The following DIRAS1 variants were observed in gnomAD, a reference collection of about 807,000 sequenced individuals.
The protein encoded by DIRAS1 is DIRAS family GTPase 1, also known as GTP-binding protein Di-Ras1.
In DIRAS1, 3 loss-of-function variants were observed where a neutral mutation model predicts 11.5. The ratio of observed to expected loss-of-function variants is 0.26; its 90% CI spans 0.12 to 0.67. DIRAS1 has a LOEUF of 0.67. Among genes scored for constraint, DIRAS1 ranks in the 30% least tolerant of loss-of-function variants. DIRAS1 has a pLI of 0.80. For synonymous variants in DIRAS1, 128 were observed against 125.8 expected (o/e 1.02, Z -0.12); for missense variants, 212 against 285.3 (o/e 0.74, Z 1.85).
Position 2,717,634 on chromosome 19 carries a change from TGCAGCGTGCACACGCTCTTGTC to T in DIRAS1, c.151_172del (p.Asp51ArgfsTer59). 1 of 1,613,300 alleles carries T rather than the reference TGCAGCGTGCACACGCTCTTGTC, an allele frequency of 6.2e-7. No homozygotes were observed. Among genetic ancestry groups the T allele is most frequent in the African/African-American group, 1.3e-5 (1 of 75,072 alleles). On this transcript the variant is annotated frameshift_variant, in exon 2 of 2. Transcript: ENST00000323469. LOFTEE classifies it high-confidence loss of function. ...GTGGCTGCCGGTGGTGTCTGTGATC[TGCAGCGTGCACACGCTCTTGTC>T]GCAGCTGATCACCTGCCGGTAGGTG...
In DIRAS1 at chr19:2,716,372, GGTACCCCCTCCTGA is replaced by G. The variant is rs1478996621; in HGVS notation, c.*824_*837del. The G allele has an allele frequency of 4.6e-5, 7 of 152,336 alleles. No individual in the cohort carries two copies. Among genetic ancestry groups the G allele is most frequent in the African/African-American group, 1.7e-4 (7 of 41,438 alleles). 9.4% of individuals were successfully genotyped at this position (152,336 alleles called of 1,614,324 possible). ...TGATGTATCTCTGGCCGGGGCCCCGGGTACCCCCTCCTGAGCACCCCAGGTCCCCACCCGCCATG... is the reference window on the plus strand; with the variant it reads ...TGATGTATCTCTGGCCGGGGCCCCGGGCACCCCAGGTCCCCACCCGCCATG... On this transcript the variant is annotated 3_prime_UTR_variant, in exon 2 of 2. Coordinates refer to ENST00000323469, the MANE Select transcript of DIRAS1 (RefSeq NM_145173.4).
rs544500911 is a variant in DIRAS1 at position 2,717,067 on chromosome 19, G to A, written c.*143C>T. On this transcript the variant is annotated 3_prime_UTR_variant, in exon 2 of 2. Transcript: ENST00000323469. ...CCTCGGGGTGGGCAGGGGCAGCGGA[G>A]GGGGGGGCGGTGGCCTCGGTTTCCC... The A allele has an allele frequency of 6.2e-3, 5,024 of 809,390 alleles. 209 individuals are homozygous for A. In the African/African-American group the frequency reaches 0.086, roughly 14 times the overall value. 50.1% of individuals were successfully genotyped at this position (809,390 alleles called of 1,614,324 possible). A position where few individuals can be genotyped will look rare whatever the true frequency, so the allele number is the denominator to read the frequency against.
chr19:2,721,094 C>A (rs1913944893), intron 1 of DIRAS1, among the ~76,000 whole-genome samples: 1 of 137,524 alleles, frequency 7.3e-6, no homozygotes, highest in African/African-American at 2.8e-5. Flanking sequence ...GGGAGGCGGC[C>A]GGGAGCTGTC....
In DIRAS1 at chr19:2,717,834, G is replaced by A. The variant is rs771125387; in HGVS notation, c.-28C>T. On this transcript the variant is annotated 5_prime_UTR_variant, in exon 2 of 2. Coordinates refer to ENST00000323469, the MANE Select transcript of DIRAS1 (RefSeq NM_145173.4). ...TCCCCGCGGCGGGTGGGCGGCCGGG[G>A]CCGGGAGGGCTGGTGCCAGCTGCAA... 1.3e-6 allele frequency: 2 copies of A among 1,561,150 alleles called. No individual in the cohort carries two copies. The highest frequency in any genetic ancestry group is 1.7e-6 in the Non-Finnish European group (2 of 1,157,946).
intron 1 of DIRAS1, among the ~76,000 whole-genome samples, chr19:2,720,587 A>G (rs1223710066): frequency 6.7e-6 from 1 of 150,154 alleles, no homozygotes; most frequent in East Asian, 2.1e-4. Context: ...CCACCCCCAG[A>G]CGTCCAGGCA....
At position 2,717,242 on chromosome 19, in the gene DIRAS1, C is replaced by T. The variant is rs1223992111; in HGVS notation, c.565G>A (p.Asp189Asn). The T allele has an allele frequency of 2.5e-6, 4 of 1,603,920 alleles. No homozygotes were observed. The highest frequency in any genetic ancestry group is 1.7e-4 in the Middle Eastern group (1 of 5,972). The change falls in exon 2 of 2, where the codon GAC becomes AAC. Residue 189 changes from aspartate to asparagine, a missense_variant. Physicochemically the swap from Asp to Asn is conservative, Grantham distance 23 (BLOSUM62 1). Around this residue, in one of 2 missense-constraint regions of DIRAS1, gnomAD observed 84 missense variants for 79.9 expected, o/e 1.05. Transcript: ENST00000323469. Reference sequence around the variant, plus strand: ...AGGGTGCATTTGCCCTTGACGCGGTCTGTCCTCTTCTGCTTCCCGGAGCGC... The same window carrying T: ...AGGGTGCATTTGCCCTTGACGCGGTTTGTCCTCTTCTGCTTCCCGGAGCGC... ...GKRSGKQKRT[D>N]RVKGKCTLM
In DIRAS1 at chr19:2,717,838, G is replaced by C; in HGVS notation, c.-32C>G. The C allele has an allele frequency of 1.3e-6, 2 of 1,555,538 alleles. No individual in the cohort carries two copies. Among genetic ancestry groups the C allele is most frequent in the Non-Finnish European group, 1.7e-6 (2 of 1,155,200 alleles). ...CGCGGCGGGTGGGCGGCCGGGGCCG[G>C]GAGGGCTGGTGCCAGCTGCAAGAAC... On this transcript the variant is annotated 5_prime_UTR_variant, in exon 2 of 2. Coordinates refer to ENST00000323469, the MANE Select transcript of DIRAS1 (RefSeq NM_145173.4).
Position 2,717,703 on chromosome 19 carries a change from G to A in DIRAS1, c.104C>T (p.Thr35Ile). ...GGTGTCCTCGATGGTGGGGATGTAG[G>A]TGTCGCGGAACGTGCCCTTCACGAA... ...LRFVKGTFRD[T>I]YIPTIEDTYR... is the part of the protein sequence containing the mutation. Residue 35 changes from threonine to isoleucine, a missense_variant, in exon 2 of 2, where the codon ACC (threonine) becomes ATC (isoleucine). Thr to Ile is a moderately conservative substitution (Grantham distance 89). This residue lies in a region of DIRAS1 where 128 missense variants were observed against 205.3 expected (regional missense o/e 0.62). Coordinates refer to ENST00000323469, the MANE Select transcript of DIRAS1 (RefSeq NM_145173.4). 1.2e-6 allele frequency: 2 copies of A among 1,610,730 alleles called. No individual in the cohort carries two copies. Among genetic ancestry groups the A allele is most frequent in the Non-Finnish European group, 1.7e-6 (2 of 1,180,006 alleles).
chr19:2,717,509 T>A lies in DIRAS1; in HGVS notation c.298A>T (p.Ile100Phe). ...SKQSLEELGP[I>F]YKLIVQIKGS... ...TTGATCTGCACGATGAGCTTGTAGA[T>A]GGGCCCCAGCTCCTCCAGCGACTGC... The change falls in exon 2 of 2, where the codon ATC (isoleucine) becomes TTC (phenylalanine). Residue 100 changes from isoleucine (I) to phenylalanine (F), a missense_variant. This residue lies in a region of DIRAS1 where 128 missense variants were observed against 205.3 expected (regional missense o/e 0.62). Coordinates refer to ENST00000323469, the MANE Select transcript of DIRAS1 (RefSeq NM_145173.4). 6.2e-7 allele frequency: 1 copy of A among 1,612,906 alleles called. No homozygotes were observed. The highest frequency in any genetic ancestry group is 8.5e-7 in the Non-Finnish European group (1 of 1,179,926).
chr19:2,719,446 C>G (rs959577421), intron 1 of DIRAS1, among the ~76,000 whole-genome samples: 8 of 147,798 alleles, frequency 5.4e-5, no homozygotes, highest in Non-Finnish European at 1.2e-4. Context: ...AGAGGTCCAG[C>G]AGCCTGAGGA....
chr19:2,721,239 C>T (rs1171478434), intron 1 of DIRAS1, 65 bp downstream of exon 1: 1 of 148,996 alleles, frequency 6.7e-6, no homozygotes, highest in Admixed American at 6.7e-5. Flanking sequence ...AGGAGGGACG[C>T]GCGGCGGGGA....
In DIRAS1 at chr19:2,717,246, C is replaced by T. The variant is rs1414526089; in HGVS notation, c.561G>A (p.Arg187=). ...TGCATTTGCCCTTGACGCGGTCTGT[C>T]CTCTTCTGCTTCCCGGAGCGCTTGC... ...IDGKRSGKQK[R]TDRVKGKCTL... is the part of the protein sequence containing the mutation. Residue 187 remains arginine (R), a synonymous_variant, in exon 2 of 2, where the codon AGG becomes AGA. Coordinates refer to ENST00000323469, the MANE Select transcript of DIRAS1 (RefSeq NM_145173.4). 6.2e-7 allele frequency: 1 copy of T among 1,608,884 alleles called. No homozygotes were observed.
intron 1 of DIRAS1, among the ~76,000 whole-genome samples, chr19:2,720,939 G>A (rs1164406162): frequency 6.6e-6 from 1 of 151,684 alleles, no homozygotes; most frequent in South Asian, 2.1e-4. Context: ...GGAGGGAGGG[G>A]CTTGGCTGGG....
rs766573633 is a variant in DIRAS1, at chr19:2,715,173, A to G, written c.*2037T>C. 7 of 152,242 alleles carry G rather than the reference A, an allele frequency of 4.6e-5. No homozygotes were observed. The highest frequency in any genetic ancestry group is 1.0e-4 in the Non-Finnish European group (7 of 68,056). 9.4% of individuals were successfully genotyped at this position (152,242 alleles called of 1,614,324 possible). A position where few individuals can be genotyped will look rare whatever the true frequency, so the allele number is the denominator to read the frequency against. On this transcript the variant is annotated 3_prime_UTR_variant, in exon 2 of 2. Coordinates refer to ENST00000323469, the MANE Select transcript of DIRAS1 (RefSeq NM_145173.4). ...CACACGAACACAGAGGAAAACAAAC[A>G]TGCTTGTACCAAATCAGACACGAGC...
Position 2,718,400 on chromosome 19 carries a change from A to G in DIRAS1, c.-69-525T>C, listed in dbSNP as rs185781967. On this transcript the variant is annotated intron_variant, in intron 1 of 1. Transcript: ENST00000323469. The surrounding 1 kb of genome is among the most constrained non-coding windows in gnomAD (Gnocchi z 4.2). Reference sequence around the variant, plus strand: ...TCTTCCGCCAACCCAGAGATGGCCAATCCTCATGGAAGCCGCACATGGTCG... The same window carrying G: ...TCTTCCGCCAACCCAGAGATGGCCAGTCCTCATGGAAGCCGCACATGGTCG... Among the ~76,000 whole-genome samples, 71 of 152,356 alleles carry G rather than the reference A, an allele frequency of 4.7e-4. No homozygotes were observed. Among genetic ancestry groups the G allele is most frequent in the Admixed American group, 1.2e-3 (18 of 15,306 alleles).
In DIRAS1 at chr19:2,717,216, G is replaced by T; in HGVS notation, c.591C>A (p.Leu197=). Residue 197 remains leucine, a synonymous_variant, in exon 2 of 2, where the codon CTC becomes CTA. Transcript: ENST00000323469. ...GCAGGCGGGCGTTCCGGGCTCACAT[G>T]AGGGTGCATTTGCCCTTGACGCGGT... ...RTDRVKGKCT[L]M The T allele has an allele frequency of 6.3e-7, 1 of 1,586,698 alleles. No homozygotes were observed.
In DIRAS1 at chr19:2,717,430, G is replaced by A. The variant is rs377045911; in HGVS notation, c.377C>T (p.Thr126Met). Residue 126 changes from threonine to methionine, a missense_variant, in exon 2 of 2, where the codon ACG becomes ATG. Coordinates refer to ENST00000323469, the MANE Select transcript of DIRAS1 (RefSeq NM_145173.4). ...VMLVGNKCDE[T>M]QREVDTREAQ... ...CTCGCGCGTGTCCACCTCCCGCTGC[G>A]TCTCATCGCACTTGTTGCCCACGAG... 3.7e-6 allele frequency: 6 copies of A among 1,608,638 alleles called. No homozygotes were observed. The African/African-American group carries it at 5.3e-5, about 14-fold the overall frequency.
rs1015093148 is a variant in DIRAS1, at chr19:2,716,154, ACT to A, written c.*1054_*1055del. 1 of 151,922 alleles carries A rather than the reference ACT, an allele frequency of 6.6e-6. No homozygotes were observed. Among genetic ancestry groups the A allele is most frequent in the African/African-American group, 2.4e-5 (1 of 41,314 alleles). 9.4% of individuals were successfully genotyped at this position (151,922 alleles called of 1,614,324 possible). A position where few individuals can be genotyped will look rare whatever the true frequency, so the allele number is the denominator to read the frequency against. On this transcript the variant is annotated 3_prime_UTR_variant, in exon 2 of 2. Transcript: ENST00000323469. Reference sequence around the variant, plus strand: ...GTCACACGAGTGTGGTGTCACTCAGACTCTCTCAAAAAACACCCAGAACCTCA... The same window carrying A: ...GTCACACGAGTGTGGTGTCACTCAGACTCTCAAAAAACACCCAGAACCTCA...
chr19:2,717,231 C>T lies in DIRAS1; in HGVS notation c.576G>A (p.Lys192=), dbSNP rs1236819135. The T allele has an allele frequency of 6.3e-7, 1 of 1,595,862 alleles. No individual in the cohort carries two copies. The highest frequency in any genetic ancestry group is 1.7e-5 in the Admixed American group (1 of 59,676). Residue 192 remains lysine (K), a synonymous_variant, in exon 2 of 2, where the codon AAG becomes AAA. Coordinates refer to ENST00000323469, the MANE Select transcript of DIRAS1 (RefSeq NM_145173.4). ...SGKQKRTDRV[K]GKCTLM ...GGGCTCACATGAGGGTGCATTTGCC[C>T]TTGACGCGGTCTGTCCTCTTCTGCT...
Sources: allele counts gnomAD v4.1 joint callset (sites outside exome capture counted in the v4.1 genomes callset), GRCh38; gene constraint gnomAD v4.1.1; regional missense constraint gnomAD v4.1.1; non-coding constraint Gnocchi (gnomAD v3.1); transcripts MANE v1.5; gene names NCBI Gene and HGNC (gene_info 2026-07-23, HGNC 2026-07-21).